The following NAGK variants were observed in gnomAD, a reference collection of about 807,000 sequenced individuals.
The protein encoded by NAGK is N-acetylglucosamine kinase, also known as N-acetyl-D-glucosamine kinase.
NAGK carries 35 observed loss-of-function variants against 42.9 expected under a neutral mutation model. The ratio of observed to expected loss-of-function variants is 0.82; its 90% CI spans 0.62 to 1.08. NAGK has a LOEUF of 1.08. Ranked by LOEUF, NAGK falls within the 50% of genes least tolerant of loss-of-function variation. The probability of loss-of-function intolerance (pLI) is 0.00; values close to 1 mark genes in which losing one functional copy is unlikely to be tolerated. For synonymous variants in NAGK, 172 were observed against 176.0 expected (o/e 0.98, Z 0.18); for missense variants, 446 against 446.0 (o/e 1.00, Z 0.00).
At chr2:71,071,112 T>C in intron 3 of NAGK, 2 of 449,246 alleles carry the variant, frequency 4.5e-6, no homozygotes, top group South Asian at 4.8e-5. Flanking sequence ...CCTGTGTAGG[T>C]TACTCACCTT....
intron 6 of NAGK, among the ~76,000 whole-genome samples, chr2:71,074,078 T>G (rs1008070887): frequency 4.6e-5 from 7 of 152,160 alleles, no homozygotes; most frequent in African/African-American, 1.4e-4. Context: ...GGGGATTGAC[T>G]CCTCCTTGTC....
At position 71,071,798 on chromosome 2, in the gene NAGK, C is replaced by A. The variant is rs781388775; in HGVS notation, c.326C>A (p.Ala109Asp). 5.6e-6 allele frequency: 9 copies of A among 1,614,138 alleles called. No individual in the cohort carries two copies. Among genetic ancestry groups the A allele is most frequent in the Non-Finnish European group, 6.8e-6 (8 of 1,180,030 alleles). ...SESYLITTDA[A>D]GSIATATPDG... is the part of the protein sequence containing the mutation. Reference sequence around the variant, plus strand: ...AGCTACTTAATCACCACCGATGCCGCCGGCTCCATCGCCACAGCTACACCG... The same window carrying A: ...AGCTACTTAATCACCACCGATGCCGACGGCTCCATCGCCACAGCTACACCG... Residue 109 changes from alanine to aspartate, a missense_variant, in exon 4 of 10, where the codon GCC becomes GAC. Ala to Asp is a moderately radical substitution (Grantham distance 126). Transcript: ENST00000244204.
intron 8 of NAGK, 89 bp from the exon 9 acceptor site, chr2:71,077,469 G>T: frequency 7.8e-7 from 1 of 1,275,174 alleles, no homozygotes; most frequent in Middle Eastern, 1.8e-4. Context: ...GAGTAACTGG[G>T]ATAGAGTGGG....
chr2:71,072,782 C>G, intron 5 of NAGK, 31 bp downstream of exon 5: 1 of 1,568,126 alleles, frequency 6.4e-7, no homozygotes, highest in South Asian at 1.1e-5. Context: ...AGCTCCAGGT[C>G]CTGGATCTGC....
Position 71,072,685 on chromosome 2 carries a change from A to T in NAGK, c.400A>T (p.Ile134Phe). 6.2e-7 allele frequency: 1 copy of T among 1,614,134 alleles called. No individual in the cohort carries two copies. The highest frequency in any genetic ancestry group is 8.5e-7 in the Non-Finnish European group (1 of 1,179,990). ...ISGTGSNCRL[I>F]NPDGSESGCG... is the part of the protein sequence containing the mutation. ...TGGAACAGGCTCCAACTGCAGGCTC[A>T]TCAACCCTGATGGCTCCGAGAGTGG... The change falls in exon 5 of 10, where the codon ATC (isoleucine) becomes TTC (phenylalanine). Residue 134 changes from isoleucine to phenylalanine, a missense_variant. Coordinates refer to ENST00000244204, the MANE Select transcript of NAGK (RefSeq NM_017567.6).
At chr2:71,071,876 AAG>A in intron 4 of NAGK, 49 bp downstream of exon 4, 1 of 1,606,628 alleles carries the variant, frequency 6.2e-7, no homozygotes, top group South Asian at 1.1e-5. Context: ...TTTTTTGGGA[AAG>A]CCCCTTAGAT....
chr2:71,069,214 T>G, intron 1 of NAGK: 1 of 550,654 alleles, frequency 1.8e-6, no homozygotes, highest in South Asian at 7.6e-5. Flanking sequence ...CCTGTTGGCC[T>G]TCCATGCTGC....
intron 4 of NAGK, chr2:71,072,315 C>T (rs1050134408): frequency 3.5e-5 from 12 of 338,242 alleles, no homozygotes; most frequent in Non-Finnish European, 5.0e-5. Flanking sequence ...GTGAATATCA[C>T]TGTGAGAACG....
At position 71,077,656 on chromosome 2, in the gene NAGK, G is replaced by A. The variant is rs761428556; in HGVS notation, c.844+20G>A. 7.5e-6 allele frequency: 12 copies of A among 1,591,938 alleles called. No individual in the cohort carries two copies. The Admixed American group carries it at 1.4e-4, about 19-fold the overall frequency. On this transcript the variant is annotated intron_variant, in intron 9 of 9. Transcript: ENST00000244204. ...AGGAAGGTGAGCCTGGGGGGAGGCT[G>A]GAAGGGCAAGGGCAGGGGACGGGGC...
intron 1 of NAGK, chr2:71,068,967 T>C (rs1671895925): frequency 2.4e-6 from 3 of 1,253,784 alleles, no homozygotes; most frequent in Non-Finnish European, 3.0e-6. Context: ...CGCCCCTTTC[T>C]TCCACGAAAC....
chr2:71,071,577 G>A, intron 3 of NAGK, 109 bp from the exon 4 acceptor site: 1 of 1,430,220 alleles, frequency 7.0e-7, no homozygotes, highest in Non-Finnish European at 9.3e-7. Context: ...GGGTGAACAG[G>A]GTATGGCCAG....
chr2:71,070,637 T>C (rs1671967085), intron 2 of NAGK, 51 bp downstream of exon 2: 3 of 1,606,222 alleles, frequency 1.9e-6, no homozygotes, highest in Non-Finnish European at 2.6e-6. Context: ...TTTTATTCTC[T>C]GTAATTCCTG....
chr2:71,078,531 C>A lies in NAGK; in HGVS notation c.*23C>A, dbSNP rs112773895. On this transcript the variant is annotated 3_prime_UTR_variant, in exon 10 of 10. Coordinates refer to ENST00000244204, the MANE Select transcript of NAGK (RefSeq NM_017567.6). ...TAGGGGGCTGGTCCCGGCTCCACCC[C>A]CTCCAAGCTCAGTGGACACTGGGTC... The A allele has an allele frequency of 1.4e-3, 2,154 of 1,488,764 alleles. 22 individuals are homozygous for A. In the African/African-American group the frequency reaches 0.022, roughly 16 times the overall value. 92.2% of individuals were successfully genotyped at this position (1,488,764 alleles called of 1,614,324 possible).
chr2:71,071,713 G>A lies in NAGK; in HGVS notation c.241G>A (p.Glu81Lys), dbSNP rs1260762840. 1.9e-6 allele frequency: 3 copies of A among 1,613,794 alleles called. No individual in the cohort carries two copies. Among genetic ancestry groups the A allele is most frequent in the African/African-American group, 1.3e-5 (1 of 74,918 alleles). ...CCTATCTCTGAGCGGTGGGGACCAG[G>A]AGGACGCGGGGAGGATCCTGATCGA... is the stretch of plus-strand genomic sequence containing the variant. ...LGLSLSGGDQEDAGRILIEEL... is the reference protein window; with the variant it reads ...LGLSLSGGDQKDAGRILIEEL... The change falls in exon 4 of 10, where the codon GAG becomes AAG. Residue 81 changes from glutamate (E) to lysine (K), a missense_variant. Coordinates refer to ENST00000244204, the MANE Select transcript of NAGK (RefSeq NM_017567.6).
At chr2:71,075,910 T>A in intron 7 of NAGK, 1 of 508,938 alleles carries the variant, frequency 2.0e-6, no homozygotes, top group Middle Eastern at 5.3e-4. Context: ...TCTGAGGAAT[T>A]TATGAAGCAG....
chr2:71,069,196 G>A, intron 1 of NAGK: 1 of 724,822 alleles, frequency 1.4e-6, no homozygotes, highest in Non-Finnish European at 1.7e-6. Flanking sequence ...TCTGAAAACC[G>A]CTCCATCCCT....
intron 3 of NAGK, 170 bp downstream of exon 3, chr2:71,071,009 C>T: frequency 1.5e-6 from 1 of 668,902 alleles, no homozygotes; most frequent in Non-Finnish European, 2.6e-6. Flanking sequence ...TTGCCACCTA[C>T]AAACTACAAA....
chr2:71,071,169 C>A (rs1252013579), intron 3 of NAGK: 2 of 362,114 alleles, frequency 5.5e-6, no homozygotes, highest in Non-Finnish European at 1.0e-5. Context: ...TAGTAGCTAC[C>A]TCAGAGTTGT....
intron 1 of NAGK, chr2:71,069,978 C>A: frequency 6.2e-6 from 1 of 160,044 alleles, no homozygotes; most frequent in Admixed American, 6.0e-5. Context: ...CAGTCTTTAG[C>A]TATTGTGAGG....
Sources: allele counts gnomAD v4.1 joint callset (sites outside exome capture counted in the v4.1 genomes callset), GRCh38; gene constraint gnomAD v4.1.1; transcripts MANE v1.5; gene names NCBI Gene and HGNC (gene_info 2026-07-23, HGNC 2026-07-21).